The following MAPRE1 variants were observed in gnomAD, a reference collection of about 807,000 sequenced individuals.
The protein encoded by MAPRE1 is microtubule-associated protein RP/EB family member 1.
MAPRE1 carries 5 observed loss-of-function variants against 32.1 expected under a neutral mutation model. The observed-to-expected ratio is 0.16, with a 90% CI of 0.08 to 0.33. MAPRE1 has a LOEUF of 0.33. MAPRE1 is among the 10% of genes least tolerant of loss of function. The probability of loss-of-function intolerance (pLI) is 1.00; values close to 1 mark genes in which losing one functional copy is unlikely to be tolerated. For missense variants in MAPRE1, 209 were observed against 327.2 expected (o/e 0.64, Z 2.79); for synonymous variants, 122 against 118.9 (o/e 1.03, Z -0.17).
rs192511971 is a variant in MAPRE1 at position 32,850,175 on chromosome 20, C to G, written c.*1447C>G. 4.6e-5 allele frequency: 7 copies of G among 152,546 alleles called. No homozygotes were observed. The highest frequency in any genetic ancestry group is 1.3e-4 in the Admixed American group (2 of 15,256). 9.4% of individuals were successfully genotyped at this position (152,546 alleles called of 1,614,324 possible). A position where few individuals can be genotyped will look rare whatever the true frequency, so the allele number is the denominator to read the frequency against. On this transcript the variant is annotated 3_prime_UTR_variant, in exon 7 of 7. Transcript: ENST00000375571. ...ATAAAAATGTTGTGTAGTGCATGCT[C>G]TGTGTGGAATTCAGAGGAAAACCCA...
At position 32,831,108 on chromosome 20, in the gene MAPRE1, G is replaced by A. The variant is rs550212511; in HGVS notation, c.122-2609G>A. On this transcript the variant is annotated intron_variant, in intron 2 of 6. Coordinates refer to ENST00000375571, the MANE Select transcript of MAPRE1 (RefSeq NM_012325.3). The stretch of plus-strand genomic sequence containing the variant: ...TAAAGCAAACCAAAACAGAAGATAG[G>A]AAGCTCATTTTCTTCTGATTATGAA... Among the ~76,000 whole-genome samples the A allele has an allele frequency of 9.9e-5, 15 of 152,058 alleles. No individual in the cohort carries two copies. The South Asian group carries it at 2.3e-3, about 23-fold the overall frequency.
intron 3 of MAPRE1, among the ~76,000 whole-genome samples, chr20:32,834,222 C>T (rs1983121790): frequency 6.6e-6 from 1 of 152,108 alleles, no homozygotes; most frequent in Non-Finnish European, 1.5e-5. Flanking sequence ...AGAATAGTTC[C>T]AGTAGAGAAG....
chr20:32,842,003 T>C (rs1338698369), intron 5 of MAPRE1, among the ~76,000 whole-genome samples: 1 of 146,014 alleles, frequency 6.8e-6, no homozygotes, highest in Non-Finnish European at 1.5e-5. Flanking sequence ...CAGGAACCAG[T>C]TTTTTTTTTT....
At chr20:32,839,083 A>G (rs1983279999) in intron 4 of MAPRE1, among the ~76,000 whole-genome samples, 2 of 151,940 alleles carry the variant, frequency 1.3e-5, no homozygotes, top group African/African-American at 4.8e-5. Flanking sequence ...TTCTCTCCTC[A>G]CTCTTCTAAA....
intron 2 of MAPRE1, among the ~76,000 whole-genome samples, chr20:32,828,638 A>G (rs1982934798): frequency 6.6e-6 from 1 of 152,198 alleles, no homozygotes; most frequent in Admixed American, 6.5e-5. Context: ...CTATAATAAC[A>G]GCTTTCAGAT....
chr20:32,822,861 C>A (rs1982740036), intron 1 of MAPRE1, among the ~76,000 whole-genome samples: 1 of 152,098 alleles, frequency 6.6e-6, no homozygotes, highest in Admixed American at 6.5e-5. Context: ...TGTGGGACTT[C>A]CTATCATAAA....
chr20:32,848,232 C>T (rs568627278), intron 6 of MAPRE1, among the ~76,000 whole-genome samples: 66 of 151,128 alleles, frequency 4.4e-4, no homozygotes, highest in African/African-American at 1.5e-3. Flanking sequence ...TTTTTCGAGA[C>T]ATTGTCTCAC....
At position 32,848,728 on chromosome 20, in the gene MAPRE1, AC is replaced by A. The variant is rs1254075977; in HGVS notation, c.*1del. 1.2e-6 allele frequency: 2 copies of A among 1,611,816 alleles called. No homozygotes were observed. The highest frequency in any genetic ancestry group is 2.2e-5 in the South Asian group (2 of 90,808). The stretch of plus-strand genomic sequence containing the variant: ...CACAGGAGGAGCAAGAAGAGTATTA[AC>A]AGCCTGGACCAGCAGAGCAACATCG... On this transcript the variant is annotated 3_prime_UTR_variant, in exon 7 of 7. Coordinates refer to ENST00000375571, the MANE Select transcript of MAPRE1 (RefSeq NM_012325.3).
chr20:32,830,976 G>A (rs1466134241), intron 2 of MAPRE1, among the ~76,000 whole-genome samples: 1 of 152,040 alleles, frequency 6.6e-6, no homozygotes, highest in African/African-American at 2.4e-5. Flanking sequence ...CGCCTGCGTC[G>A]GCCTCCCAAA....
At chr20:32,839,456 C>G (rs1277984017) in intron 4 of MAPRE1, among the ~76,000 whole-genome samples, 2 of 152,208 alleles carry the variant, frequency 1.3e-5, no homozygotes, top group African/African-American at 4.8e-5. Flanking sequence ...GATGGTAGTC[C>G]TGTTCACCGC....
rs192258886 is a variant in MAPRE1, at chr20:32,828,153, A to G, written c.121+2105A>G. ...TTCAGCATTAATTACTTTGCTGATC[A>G]TAGACAACAGGCTGTTAGCCTTAGA... On this transcript the variant is annotated intron_variant, in intron 2 of 6. Coordinates refer to ENST00000375571, the MANE Select transcript of MAPRE1 (RefSeq NM_012325.3). Among the ~76,000 whole-genome samples, 3 of 152,292 alleles carry G rather than the reference A, an allele frequency of 2.0e-5. No individual in the cohort carries two copies. The East Asian group carries it at 5.8e-4, about 29-fold the overall frequency.
intron 2 of MAPRE1, among the ~76,000 whole-genome samples, chr20:32,829,307 G>A (rs1289201645): frequency 6.6e-6 from 1 of 152,178 alleles, no homozygotes; most frequent in Non-Finnish European, 1.5e-5. Context: ...ACTGTGATTT[G>A]TAAACAAACT....
Position 32,833,809 on chromosome 20 carries a change from A to G in MAPRE1, c.214A>G (p.Ile72Val). ...KFQAKLEHEY[I>V]QNFKILQAGF... ...CCAAGCTAAGCTAGAACACGAGTACATCCAGAACTTCAAAATACTACAAGC... is the reference window on the plus strand; with the variant it reads ...CCAAGCTAAGCTAGAACACGAGTACGTCCAGAACTTCAAAATACTACAAGC... The change falls in exon 3 of 7, where the codon ATC (isoleucine) becomes GTC (valine). Residue 72 changes from isoleucine to valine, a missense_variant. Physicochemically the swap from Ile to Val is conservative, Grantham distance 29. This residue lies in a region of MAPRE1 where 67 missense variants were observed against 140.0 expected (regional missense o/e 0.48). Coordinates refer to ENST00000375571, the MANE Select transcript of MAPRE1 (RefSeq NM_012325.3). The G allele has an allele frequency of 1.2e-6, 2 of 1,614,106 alleles. No individual in the cohort carries two copies. Among genetic ancestry groups the G allele is most frequent in the Non-Finnish European group, 1.7e-6 (2 of 1,179,962 alleles).
intron 5 of MAPRE1, among the ~76,000 whole-genome samples, chr20:32,841,771 A>G (rs960607783): frequency 8.6e-5 from 13 of 151,998 alleles, no homozygotes; most frequent in African/African-American, 2.4e-4. Flanking sequence ...GTTAACTTCT[A>G]TCTGGACAAG....
At chr20:32,840,695 G>A (rs1023260179) in intron 5 of MAPRE1, among the ~76,000 whole-genome samples, 1 of 152,132 alleles carries the variant, frequency 6.6e-6, no homozygotes, top group African/African-American at 2.4e-5. Flanking sequence ...TTTTCTAAAA[G>A]CCAAGTCCTG....
intron 2 of MAPRE1, among the ~76,000 whole-genome samples, chr20:32,829,749 GCT>G (rs1484438671): frequency 6.6e-6 from 1 of 152,186 alleles, no homozygotes; most frequent in Non-Finnish European, 1.5e-5. Flanking sequence ...TCAGCAGTGG[GCT>G]CTCCTACCCC....
intron 2 of MAPRE1, among the ~76,000 whole-genome samples, chr20:32,829,065 T>C (rs767448871): frequency 6.6e-5 from 10 of 151,840 alleles, no homozygotes; most frequent in Non-Finnish European, 1.2e-4. Context: ...GGATTACAGG[T>C]GCGTGCCACC....
intron 4 of MAPRE1, among the ~76,000 whole-genome samples, chr20:32,838,085 GA>G (rs1246062301): frequency 1.3e-5 from 2 of 151,870 alleles, no homozygotes; most frequent in Non-Finnish European, 2.9e-5. Context: ...GCTGTCTCAA[GA>G]AAAAAAATAG....
At chr20:32,820,178 C>G (rs1468149362) in intron 1 of MAPRE1, 150 bp downstream of exon 1, 1 of 148,658 alleles carries the variant, frequency 6.7e-6, no homozygotes, top group African/African-American at 2.5e-5. Flanking sequence ...GCGGGGCCGT[C>G]ACCCGGCGCG....
Sources: allele counts gnomAD v4.1 joint callset (sites outside exome capture counted in the v4.1 genomes callset), GRCh38; gene constraint gnomAD v4.1.1; regional missense constraint gnomAD v4.1.1; transcripts MANE v1.5; gene names NCBI Gene and HGNC (gene_info 2026-07-23, HGNC 2026-07-21).